The following PROSER1 variants were observed in gnomAD, a reference collection of about 807,000 sequenced individuals.
PROSER1 encodes the protein proline and serine-rich protein 1.
A neutral mutation model predicts 71.8 loss-of-function variants in PROSER1; 36 were observed. The observed-to-expected ratio is 0.50, with a 90% CI of 0.38 to 0.66. PROSER1 has a LOEUF of 0.66. Ranked by LOEUF, PROSER1 falls within the 30% of genes least tolerant of loss-of-function variation. The probability of loss-of-function intolerance (pLI) is 0.00; values close to 1 mark genes in which losing one functional copy is unlikely to be tolerated. For synonymous variants in PROSER1, 490 were observed against 452.4 expected (o/e 1.08, Z -1.06); for missense variants, 1,107 against 1,135.0 (o/e 0.98, Z 0.35).
intron 3 of PROSER1, among the ~76,000 whole-genome samples, chr13:39,030,406 C>T (rs1870782949): frequency 6.6e-6 from 1 of 151,936 alleles, no homozygotes; most frequent in Non-Finnish European, 1.5e-5. Context: ...TTGAGTTGTC[C>T]CTGTGATACC....
rs760781044 is a variant in PROSER1 at position 39,024,551 on chromosome 13, A to C, written c.486T>G (p.Thr162=). 8 of 1,418,160 alleles carry C rather than the reference A, an allele frequency of 5.6e-6. No homozygotes were observed. The Admixed American group carries it at 5.8e-5, about 10-fold the overall frequency. 87.8% of individuals were successfully genotyped at this position (1,418,160 alleles called of 1,614,324 possible). A position where few individuals can be genotyped will look rare whatever the true frequency, so the allele number is the denominator to read the frequency against. Residue 162 remains threonine, a synonymous_variant, in exon 7 of 13, where the codon ACT becomes ACG. Transcript: ENST00000352251. ...ATTCTTCACCATCTTTTTTCAAAGG[A>C]GTTCCCTATTAAAAAAAAAAAAAAA... is the stretch of plus-strand genomic sequence containing the variant. The part of the protein sequence containing the change: ...PSRINGIFPG[T]PLKKDGEECT...
intron 10 of PROSER1, 28 bp downstream of exon 10, chr13:39,017,472 T>A (rs2138106420): frequency 7.0e-7 from 1 of 1,432,198 alleles, no homozygotes; most frequent in East Asian, 2.3e-5. Context: ...CAGATATCCG[T>A]TATCTCTGGA....
chr13:39,014,508 T>C, intron 10 of PROSER1, 32 bp from the exon 11 acceptor site: 1 of 1,495,908 alleles, frequency 6.7e-7, no homozygotes, highest in South Asian at 1.2e-5. Context: ...GGCAAGAATG[T>C]ATCATCATGC....
chr13:39,027,519 T>C (rs1870604270), intron 5 of PROSER1, among the ~76,000 whole-genome samples: 1 of 152,146 alleles, frequency 6.6e-6, no homozygotes, highest in Non-Finnish European at 1.5e-5. Context: ...CATGTTGCCT[T>C]AAAGGTTTTA....
chr13:39,032,425 A>G (rs2138134616), intron 2 of PROSER1, among the ~76,000 whole-genome samples: 1 of 152,286 alleles, frequency 6.6e-6, no homozygotes, highest in East Asian at 1.9e-4. Context: ...TCTCAGCATG[A>G]TCACCACCAC....
intron 10 of PROSER1, among the ~76,000 whole-genome samples, chr13:39,016,767 T>C (rs1029704096): frequency 6.6e-6 from 1 of 152,212 alleles, no homozygotes; most frequent in African/African-American, 2.4e-5. Flanking sequence ...CCCACTATGC[T>C]ACCTCCTTTA....
At chr13:39,018,741 T>TA (rs1167244630) in intron 9 of PROSER1, among the ~76,000 whole-genome samples, 1 of 151,394 alleles carries the variant, frequency 6.6e-6, no homozygotes, top group East Asian at 1.9e-4. Context: ...AAATGTAAAA[T>TA]AAGAGTAGCA....
intron 1 of PROSER1, among the ~76,000 whole-genome samples, chr13:39,035,648 C>CAGA (rs142366480): frequency 0.015 from 2,344 of 152,228 alleles, 58 homozygotes; most frequent in African/African-American, 0.054. Context: ...TTTCCCAGTT[C>CAGA]TTCTGCTAGT....
In PROSER1 at chr13:39,014,309, CAGGA is replaced by C; in HGVS notation, c.939_942del (p.Pro314CysfsTer51). On this transcript the variant is annotated frameshift_variant, in exon 11 of 13. Coordinates refer to ENST00000352251, the MANE Select transcript of PROSER1 (RefSeq NM_025138.5). LOFTEE classifies it high-confidence loss of function. ...GCTGAGGAGACCTGCCCTGGGAACA[CAGGA>C]AGGACAGTATTCAGCAGGTTCATTC... 6.2e-7 allele frequency: 1 copy of C among 1,613,996 alleles called. No homozygotes were observed. The highest frequency in any genetic ancestry group is 8.5e-7 in the Non-Finnish European group (1 of 1,179,992).
intron 10 of PROSER1, among the ~76,000 whole-genome samples, chr13:39,015,709 G>T (rs925520120): frequency 6.6e-6 from 1 of 151,954 alleles, no homozygotes; most frequent in South Asian, 2.1e-4. Flanking sequence ...AAAAATGATT[G>T]GAAAATTGAC....
rs1223674125 is a variant in PROSER1, at chr13:39,013,907, C to T, written c.1345G>A (p.Val449Ile). Reference protein sequence around the residue: ...TSQGLSNPTPVIAGGSTPSVA... With the variant: ...TSQGLSNPTPIIAGGSTPSVA... ...CTGGGAGTAGAGCCACCAGCAATTA[C>T]AGGAGTCGGGTTGGATAGGCCTTGG... Residue 449 changes from valine to isoleucine, a missense_variant, in exon 11 of 13, where the codon GTA becomes ATA. By Grantham distance (29) the Val-to-Ile change is conservative. Transcript: ENST00000352251. 1 of 1,614,162 alleles carries T rather than the reference C, an allele frequency of 6.2e-7. No individual in the cohort carries two copies. Among genetic ancestry groups the T allele is most frequent in the Non-Finnish European group, 8.5e-7 (1 of 1,180,024 alleles).
At chr13:39,031,652 G>A in intron 2 of PROSER1, 21 bp from the exon 3 acceptor site, 1 of 1,599,802 alleles carries the variant, frequency 6.3e-7, no homozygotes, top group Non-Finnish European at 8.5e-7. Flanking sequence ...AGAACTAACA[G>A]CTCTAATGAC....
chr13:39,029,247 TA>T (rs34146778), intron 4 of PROSER1, 33 bp downstream of exon 4: 113,160 of 735,312 alleles, frequency 0.15, 80 homozygotes, highest in Non-Finnish European at 0.17. Context: ...TTTTCCCAAG[TA>T]AAAAAAAAAA....
Position 39,014,126 on chromosome 13 carries a change from T to C in PROSER1, c.1126A>G (p.Thr376Ala), listed in dbSNP as rs780826006. Residue 376 changes from threonine to alanine, a missense_variant, in exon 11 of 13, where the codon ACC (threonine) becomes GCC (alanine). Transcript: ENST00000352251. ...VSLPGPSATP[T>A]AATPTPGPTP... ...GGTCCTGGGGTAGGAGTGGCTGCGG[T>C]AGGAGTGGCAGAAGGACCTGGCAGT... 2.5e-6 allele frequency: 4 copies of C among 1,611,010 alleles called. No individual in the cohort carries two copies. The highest frequency in any genetic ancestry group is 1.6e-4 in the Middle Eastern group (1 of 6,076).
rs1555239014 is a variant in PROSER1, at chr13:39,018,499, C to CACAA, written c.731-956_731-955insTTGT. 9.7e-4 allele frequency among the ~76,000 whole-genome samples: 130 copies of CACAA among 134,622 alleles called. 2 individuals are homozygous for CACAA. Among genetic ancestry groups the CACAA allele is most frequent in the African/African-American group, 3.9e-3 (124 of 32,030 alleles). The allele number at this position is 134,622 out of a possible 152,430, so 88.3% of individuals were successfully genotyped here. ...ACACACACACACACACACACACACACACACACACACACACACACTACTGGG... is the reference window on the plus strand; with the variant it reads ...ACACACACACACACACACACACACACACAAACACACACACACACACACTACTGGG... On this transcript the variant is annotated intron_variant, in intron 9 of 12. Coordinates refer to ENST00000352251, the MANE Select transcript of PROSER1 (RefSeq NM_025138.5).
In PROSER1 at chr13:39,017,492, C is replaced by A. The variant is rs758067494; in HGVS notation, c.775+8G>T. 1 of 1,523,112 alleles carries A rather than the reference C, an allele frequency of 6.6e-7. No individual in the cohort carries two copies. Among genetic ancestry groups the A allele is most frequent in the South Asian group, 1.2e-5 (1 of 85,458 alleles). The allele number at this position is 1,523,112 out of a possible 1,614,324, so 94.3% of individuals were successfully genotyped here. A position where few individuals can be genotyped will look rare whatever the true frequency, so the allele number is the denominator to read the frequency against. ...ATCCGTTATCTCTGGATCAAATTTG[C>A]TACTTACTTTGATTCTGTATAGGTT... On this transcript the variant is annotated splice_region_variant and intron_variant, in intron 10 of 12. Transcript: ENST00000352251.
intron 11 of PROSER1, 46 bp downstream of exon 11, chr13:39,012,645 G>A: frequency 7.3e-7 from 1 of 1,366,882 alleles, no homozygotes; most frequent in South Asian, 1.4e-5. Flanking sequence ...TGAACTACAA[G>A]TTAGGTGAAG....
At chr13:39,017,830 C>A (rs1047939884) in intron 9 of PROSER1, 23 of 291,018 alleles carry the variant, frequency 7.9e-5, no homozygotes, top group Middle Eastern at 2.0e-3. Context: ...GTTTTAAATA[C>A]ACACTGTTAA....
intron 9 of PROSER1, among the ~76,000 whole-genome samples, chr13:39,019,525 A>G: frequency 6.7e-6 from 1 of 150,204 alleles, no homozygotes; most frequent in East Asian, 1.9e-4. Context: ...TCAAAAAAAA[A>G]AAAAAAAAAA....
Sources: allele counts gnomAD v4.1 joint callset (sites outside exome capture counted in the v4.1 genomes callset), GRCh38; gene constraint gnomAD v4.1.1; transcripts MANE v1.5; gene names NCBI Gene and HGNC (gene_info 2026-07-23, HGNC 2026-07-21).